Variants in ANKRD36B observed in about 807,000 individuals in gnomAD.
ANKRD36B encodes the protein ankyrin repeat domain-containing protein 36B.
A neutral mutation model predicts 135.7 loss-of-function variants in ANKRD36B; 37 were observed. The observed-to-expected ratio is 0.27, with a 90% CI of 0.21 to 0.36. The LOEUF (loss-of-function observed/expected upper bound fraction) is 0.36. Among genes scored for constraint, ANKRD36B ranks in the 10% least tolerant of loss-of-function variants. ANKRD36B has a pLI of 1.00. For missense variants in ANKRD36B, 549 were observed against 1,037.1 expected (o/e 0.53, Z 6.46); for synonymous variants, 179 against 348.1 (o/e 0.51, Z 5.41).
At position 97,560,823 on chromosome 2, in the gene ANKRD36B, T is replaced by C. The variant is rs752682006; in HGVS notation, c.792+9A>G. 1 of 1,573,120 alleles carries C rather than the reference T, an allele frequency of 6.4e-7. No individual in the cohort carries two copies. Among genetic ancestry groups the C allele is most frequent in the Non-Finnish European group, 8.6e-7 (1 of 1,163,662 alleles). ...TAATAGTTCAACATATAAATGAGAC[T>C]TTAATTACCTTCTCAGCTCGTTGTT... On this transcript the variant is annotated intron_variant, in intron 7 of 43. Coordinates refer to ENST00000359901, the MANE Select transcript of ANKRD36B (RefSeq NM_001393939.1).
intron 8 of ANKRD36B, among the ~76,000 whole-genome samples, chr2:97,560,445 T>C (rs1350927090): frequency 6.6e-6 from 1 of 151,876 alleles, no homozygotes; most frequent in Non-Finnish European, 1.5e-5. Context: ...TGTTTCTTCT[T>C]CCCAATTTCA....
At chr2:97,513,139 A>C (rs755789086) in intron 38 of ANKRD36B, 41 bp downstream of exon 38, 4 of 1,436,672 alleles carry the variant, frequency 2.8e-6, no homozygotes, top group Non-Finnish European at 3.7e-6. Flanking sequence ...AGTAATATTA[A>C]TAAGAGTAGA....
At chr2:97,553,928 G>A (rs989984519) in intron 14 of ANKRD36B, among the ~76,000 whole-genome samples, 1 of 151,832 alleles carries the variant, frequency 6.6e-6, no homozygotes, top group Admixed American at 6.6e-5. Context: ...TCCTGAATCC[G>A]AGTAAATAAT....
intron 28 of ANKRD36B, 184 bp downstream of exon 28, chr2:97,541,727 C>CT: frequency 1.9e-6 from 1 of 531,266 alleles, no homozygotes; most frequent in South Asian, 1.5e-5. Context: ...TACAATCTTA[C>CT]TACTCAGATC....
chr2:97,564,000 T>G (rs1168889267), intron 6 of ANKRD36B, among the ~76,000 whole-genome samples: 6 of 151,472 alleles, frequency 4.0e-5, no homozygotes, highest in Non-Finnish European at 4.4e-5. Context: ...CTGAAATATA[T>G]ATCACTGATT....
chr2:97,559,976 A>G (rs1355507901), intron 8 of ANKRD36B, among the ~76,000 whole-genome samples: 4 of 151,932 alleles, frequency 2.6e-5, no homozygotes, highest in African/African-American at 4.8e-5. Context: ...CAAAACATGT[A>G]TCTCTGATGC....
At chr2:97,564,392 T>C (rs963892436) in intron 6 of ANKRD36B, among the ~76,000 whole-genome samples, 3 of 152,266 alleles carry the variant, frequency 2.0e-5, no homozygotes, top group African/African-American at 7.2e-5. Flanking sequence ...TTAGATCCCA[T>C]TTGTCAATTT....
In ANKRD36B at chr2:97,549,397, T is replaced by C. The variant is rs773838323; in HGVS notation, c.1477+22A>G. On this transcript the variant is annotated intron_variant, in intron 20 of 43. Transcript: ENST00000359901. ...TTATCTATCTGGACTGAACATGACATTAAATCTGTTTTCAAAATTACCTGT... is the reference window on the plus strand; with the variant it reads ...TTATCTATCTGGACTGAACATGACACTAAATCTGTTTTCAAAATTACCTGT... The C allele has an allele frequency of 6.0e-5, 93 of 1,544,970 alleles. No homozygotes were observed. The East Asian group carries it at 2.2e-3, about 36-fold the overall frequency.
chr2:97,574,846 T>C (rs2258154), intron 6 of ANKRD36B, among the ~76,000 whole-genome samples: 3 of 152,036 alleles, frequency 2.0e-5, no homozygotes, highest in South Asian at 2.1e-4. Flanking sequence ...TCTGTAAAAG[T>C]GTGGGCACAT....
intron 6 of ANKRD36B, among the ~76,000 whole-genome samples, chr2:97,564,889 G>C (rs2081318999): frequency 6.6e-6 from 1 of 152,046 alleles, no homozygotes; most frequent in Admixed American, 6.6e-5. Flanking sequence ...ATTTAAAGTA[G>C]TTTTTTCTAA....
chr2:97,558,701 T>G (rs922530937), intron 10 of ANKRD36B, 98 bp downstream of exon 10: 78 of 1,508,010 alleles, frequency 5.2e-5, no homozygotes, highest in Non-Finnish European at 6.5e-5. Flanking sequence ...TGAATCAGAA[T>G]GTGCAGCTTC....
chr2:97,580,038 C>T, intron 4 of ANKRD36B, among the ~76,000 whole-genome samples: 1 of 152,176 alleles, frequency 6.6e-6, no homozygotes, highest in Non-Finnish European at 1.5e-5. Context: ...TTTTTTCCCC[C>T]TCCCCATATC....
chr2:97,563,385 T>G (rs1258949106), intron 6 of ANKRD36B, among the ~76,000 whole-genome samples: 1 of 151,748 alleles, frequency 6.6e-6, no homozygotes, highest in Non-Finnish European at 1.5e-5. Context: ...ATATTTTCAC[T>G]TGTAATGAAA....
chr2:97,547,496 C>A (rs2079582554), intron 22 of ANKRD36B, 40 bp downstream of exon 22: 4 of 1,523,680 alleles, frequency 2.6e-6, no homozygotes, highest in Non-Finnish European at 3.6e-6. Flanking sequence ...TTCTTATCTA[C>A]CCGGACTGAA....
intron 20 of ANKRD36B, among the ~76,000 whole-genome samples, chr2:97,548,120 A>G (rs2079670516): frequency 6.6e-6 from 1 of 151,806 alleles, no homozygotes; most frequent in African/African-American, 2.4e-5. Context: ...AACAAATCAA[A>G]AGGATTTACA....
Position 97,560,821 on chromosome 2 carries a change from A to C in ANKRD36B, c.792+11T>G. 1.3e-6 allele frequency: 2 copies of C among 1,575,102 alleles called. No individual in the cohort carries two copies. Among genetic ancestry groups the C allele is most frequent in the Non-Finnish European group, 1.7e-6 (2 of 1,165,084 alleles). ...GTTAATAGTTCAACATATAAATGAGACTTTAATTACCTTCTCAGCTCGTTG... is the reference window on the plus strand; with the variant it reads ...GTTAATAGTTCAACATATAAATGAGCCTTTAATTACCTTCTCAGCTCGTTG... On this transcript the variant is annotated intron_variant, in intron 7 of 43. Transcript: ENST00000359901.
Position 97,551,497 on chromosome 2 carries a change from A to G in ANKRD36B, c.1274-17T>C. On this transcript the variant is annotated splice_polypyrimidine_tract_variant and intron_variant, in intron 16 of 43. Transcript: ENST00000359901. The stretch of plus-strand genomic sequence containing the variant: ...GAGAAGACACTGAAAAGCAAAAGGG[A>G]TACATAATCACTCATATGTAACTAT... 6.2e-7 allele frequency: 1 copy of G among 1,607,578 alleles called. No individual in the cohort carries two copies. The highest frequency in any genetic ancestry group is 8.5e-7 in the Non-Finnish European group (1 of 1,178,562).
Position 97,513,301 on chromosome 2 carries a change from C to G in ANKRD36B, c.2684G>C (p.Arg895Thr), listed in dbSNP as rs776222410. 6 of 1,569,196 alleles carry G rather than the reference C, an allele frequency of 3.8e-6. 1 individual carries two copies. Among genetic ancestry groups the G allele is most frequent in the South Asian group, 3.4e-5 (3 of 89,030 alleles). Reference sequence around the variant, plus strand: ...CTCTTCTGTTATTCTTAACTTTTCCCTAACTTTTTGGTGCAACTCTTCAAC... The same window carrying G: ...CTCTTCTGTTATTCTTAACTTTTCCGTAACTTTTTGGTGCAACTCTTCAAC... ...RNVEELHQKV[R>T]EKLRITEEQY... Residue 895 changes from arginine to threonine, a missense_variant, in exon 38 of 44, where the codon AGG becomes ACG. Coordinates refer to ENST00000359901, the MANE Select transcript of ANKRD36B (RefSeq NM_001393939.1).
At chr2:97,561,877 G>C (rs997312659) in intron 6 of ANKRD36B, among the ~76,000 whole-genome samples, 2 of 151,870 alleles carry the variant, frequency 1.3e-5, no homozygotes, top group African/African-American at 2.4e-5. Context: ...TGGTAACAAA[G>C]AGGAGCAATG....
Sources: allele counts gnomAD v4.1 joint callset (sites outside exome capture counted in the v4.1 genomes callset), GRCh38; gene constraint gnomAD v4.1.1; transcripts MANE v1.5; gene names NCBI Gene and HGNC (gene_info 2026-07-23, HGNC 2026-07-21).